Variants in ABLIM1 observed in about 807,000 individuals in gnomAD.
ABLIM1 encodes actin binding LIM protein 1.
Under a neutral mutation model 107.0 loss-of-function variants are expected in ABLIM1, and 40 were observed. The observed-to-expected ratio is 0.37, with a 90% CI of 0.29 to 0.49. ABLIM1 has a LOEUF of 0.49. Ranked by LOEUF, ABLIM1 falls within the 20% of genes least tolerant of loss-of-function variation. The pLI, the probability that ABLIM1 is intolerant of heterozygous loss-of-function variation, is 0.97. For synonymous variants in ABLIM1, 357 were observed against 357.3 expected, an observed-to-expected ratio of 1.00 and a Z score of 0.01; for missense variants, 857 against 1,008.5, an observed-to-expected ratio of 0.85 and a Z score of 2.04.
At chr10:114,753,870 G>A (rs1591945192) in intron 1 of ABLIM1, among the ~76,000 whole-genome samples, 1 of 152,134 alleles carries the variant, frequency 6.6e-6, no homozygotes, top group Non-Finnish European at 1.5e-5. Flanking sequence ...TTTTTGAGAT[G>A]AGATGGAGTC....
At chr10:114,542,578 G>A (rs2497716) in intron 6 of ABLIM1, among the ~76,000 whole-genome samples, 1,937 of 132,120 alleles carry the variant, frequency 0.015, 51 homozygotes, top group African/African-American at 0.05. Flanking sequence ...GGAGGAGGAC[G>A]AGGAGGAGGA....
intron 1 of ABLIM1, among the ~76,000 whole-genome samples, chr10:114,639,059 C>T (rs1175085921): frequency 9.9e-5 from 15 of 152,138 alleles, no homozygotes. Flanking sequence ...GTTCCCCTAC[C>T]TCATCTGGCC....
At chr10:114,644,860 G>A (rs1024668671) in intron 1 of ABLIM1, among the ~76,000 whole-genome samples, 5 of 152,184 alleles carry the variant, frequency 3.3e-5, no homozygotes, top group Non-Finnish European at 7.3e-5. Context: ...GAGTGTCAGA[G>A]GAAGCCAGAC....
intron 1 of ABLIM1, among the ~76,000 whole-genome samples, chr10:114,681,330 G>C (rs2080738553): frequency 6.6e-6 from 1 of 152,100 alleles, no homozygotes; most frequent in Non-Finnish European, 1.5e-5. Context: ...TGAGTAGCTG[G>C]GATTACAGGC....
intron 2 of ABLIM1, among the ~76,000 whole-genome samples, chr10:114,596,086 C>T (rs1314615238): frequency 6.6e-6 from 1 of 152,190 alleles, no homozygotes; most frequent in African/African-American, 2.4e-5. Flanking sequence ...GTGGATCCCT[C>T]TTCACTCCTC....
intron 6 of ABLIM1, among the ~76,000 whole-genome samples, chr10:114,531,690 G>T (rs2065464768): frequency 6.6e-6 from 1 of 152,144 alleles, no homozygotes; most frequent in Non-Finnish European, 1.5e-5. Context: ...GCTAATTTTT[G>T]TATTTTTAGT....
intron 6 of ABLIM1, among the ~76,000 whole-genome samples, chr10:114,533,340 C>CA (rs963752896): frequency 1.7e-4 from 25 of 148,090 alleles, no homozygotes; most frequent in East Asian, 7.9e-4. Flanking sequence ...GACTCTGTCT[C>CA]AAAAAAAAAT....
At chr10:114,709,336 G>T (rs2081494270) in intron 1 of ABLIM1, among the ~76,000 whole-genome samples, 1 of 152,172 alleles carries the variant, frequency 6.6e-6, no homozygotes, top group Non-Finnish European at 1.5e-5. Context: ...CAGAAAGCTG[G>T]TTTATAGAAA....
intron 1 of ABLIM1, among the ~76,000 whole-genome samples, chr10:114,678,824 T>A (rs190740228): frequency 1.6e-3 from 250 of 152,346 alleles, no homozygotes; most frequent in African/African-American, 5.5e-3. Context: ...TTTTCTTTTT[T>A]AAACCAAGAA....
At chr10:114,604,859 G>T (rs999358861) in intron 1 of ABLIM1, among the ~76,000 whole-genome samples, 1 of 152,190 alleles carries the variant, frequency 6.6e-6, no homozygotes, top group Non-Finnish European at 1.5e-5. Flanking sequence ...AATGATGAGG[G>T]AAGGAAAATA....
chr10:114,573,528 G>C (rs1207224478), intron 3 of ABLIM1, among the ~76,000 whole-genome samples: 4 of 152,236 alleles, frequency 2.6e-5, no homozygotes, highest in Non-Finnish European at 5.9e-5. Flanking sequence ...CTCAGGGTCA[G>C]GATCAGAAGG....
At chr10:114,478,822 C>T (rs2134243940) in intron 8 of ABLIM1, among the ~76,000 whole-genome samples, 1 of 152,272 alleles carries the variant, frequency 6.6e-6, no homozygotes, top group South Asian at 2.1e-4. Flanking sequence ...TTCATTCTGA[C>T]CTCCTAAGTT....
chr10:114,710,021 C>T (rs2081513259), intron 1 of ABLIM1, among the ~76,000 whole-genome samples: 1 of 152,200 alleles, frequency 6.6e-6, no homozygotes, highest in South Asian at 2.1e-4. Flanking sequence ...CACATGTGTA[C>T]ACACACATAT....
chr10:114,639,267 G>T (rs544975517), intron 1 of ABLIM1, among the ~76,000 whole-genome samples: 11 of 152,308 alleles, frequency 7.2e-5, no homozygotes, highest in African/African-American at 2.4e-4. Flanking sequence ...CTAGTTCTTA[G>T]TACAGAGAAG....
At chr10:114,609,198 CA>C (rs2076642454) in intron 1 of ABLIM1, among the ~76,000 whole-genome samples, 1 of 152,116 alleles carries the variant, frequency 6.6e-6, no homozygotes, top group Non-Finnish European at 1.5e-5. Context: ...CTTTGCAGAC[CA>C]AGCACTAAAA....
In ABLIM1 at chr10:114,440,226, G is replaced by A. The variant is rs532455226; in HGVS notation, c.2060-137C>T. The stretch of plus-strand genomic sequence containing the variant: ...TGTTCTTTTTCTGCTCCCAGACTCT[G>A]CACATGTTATCCCATCAGCCTCCCT... On this transcript the variant is annotated intron_variant, in intron 19 of 22. Transcript: ENST00000533213. 1.4e-4 allele frequency: 126 copies of A among 876,052 alleles called. No homozygotes were observed. The East Asian group carries it at 3.1e-3, about 22-fold the overall frequency. 54.3% of individuals were successfully genotyped at this position (876,052 alleles called of 1,614,324 possible). A position where few individuals can be genotyped will look rare whatever the true frequency, so the allele number is the denominator to read the frequency against.
chr10:114,436,257 G>C lies in ABLIM1; in HGVS notation c.*3C>G, dbSNP rs79725027. On this transcript the variant is annotated 3_prime_UTR_variant, in exon 23 of 23. Coordinates refer to ENST00000533213, the MANE Select transcript of ABLIM1 (RefSeq NM_002313.7). ...TTCTCTAATTGCCATTCACGAGTGG[G>C]ACTTAGAAGAGTTTTGCTTTTTTCT... is the stretch of plus-strand genomic sequence containing the variant. 6.2e-7 allele frequency: 1 copy of C among 1,609,076 alleles called. No homozygotes were observed. The highest frequency in any genetic ancestry group is 1.7e-5 in the Admixed American group (1 of 60,002).
At chr10:114,789,502 TG>T in the ABLIM1 span, among the ~76,000 whole-genome samples, 1 of 152,318 alleles carries the variant, frequency 6.6e-6, no homozygotes, top group South Asian at 2.1e-4. Context: ...TGTACAGGAT[TG>T]TTACATAGGT....
intron 1 of ABLIM1, among the ~76,000 whole-genome samples, chr10:114,639,692 A>G (rs1250623108): frequency 2.0e-5 from 3 of 152,226 alleles, no homozygotes; most frequent in East Asian, 3.8e-4. Context: ...AGATGTCTCT[A>G]TTTGGTTTAA....
Sources: allele counts gnomAD v4.1 joint callset (sites outside exome capture counted in the v4.1 genomes callset), GRCh38; gene constraint gnomAD v4.1.1; transcripts MANE v1.5; gene names NCBI Gene and HGNC (gene_info 2026-07-23, HGNC 2026-07-21).